Variants in GAREM2 observed in about 807,000 individuals in gnomAD.
The protein encoded by GAREM2 is GRB2 associated regulator of MAPK1 subtype 2, also known as GRB2-associated and regulator of MAPK protein 2.
In GAREM2, 30 loss-of-function variants were observed where a neutral mutation model predicts 55.6. The observed-to-expected ratio is 0.54, with a 90% CI of 0.40 to 0.73. GAREM2 has a LOEUF of 0.73. Ranked by LOEUF, GAREM2 falls within the 30% of genes least tolerant of loss-of-function variation. GAREM2 has a pLI of 0.00. For missense variants in GAREM2, 1,075 were observed against 1,257.7 expected (o/e 0.85, Z 2.20); for synonymous variants, 550 against 569.1 (o/e 0.97, Z 0.48).
chr2:26,197,728 A>G, the GAREM2 span: 1 of 1,562,444 alleles, frequency 6.4e-7, no homozygotes, highest in Non-Finnish European at 8.8e-7. Context: ...GATTTCACTG[A>G]TTGGGAGAGC....
chr2:26,173,414 GA>G, intron 1 of GAREM2, 82 bp downstream of exon 1: 6 of 769,014 alleles, frequency 7.8e-6, no homozygotes, highest in Non-Finnish European at 1.1e-5. Context: ...GGATCGTGAG[GA>G]GGGTGCGGCA....
intron 1 of GAREM2, among the ~76,000 whole-genome samples, chr2:26,173,648 TGCCCCTGG>T (rs949951251): frequency 1.7e-5 from 2 of 120,656 alleles, no homozygotes; most frequent in Admixed American, 1.6e-4. Context: ...TTTCCCCCGC[TGCCCCTGG>T]GCCCCCCGCC....
intron 2 of GAREM2, chr2:26,182,005 A>G (rs1669066239): frequency 1.0e-6 from 1 of 991,768 alleles, no homozygotes; most frequent in African/African-American, 1.7e-5. Context: ...CTAAAGAGTC[A>G]CCTTGTCTTC....
At chr2:26,186,080 G>A in intron 4 of GAREM2, 109 bp from the exon 5 acceptor site, 1 of 1,112,750 alleles carries the variant, frequency 9.0e-7, no homozygotes, top group Non-Finnish European at 1.2e-6. Context: ...TGGCAAAGTG[G>A]GGCAAATGTC....
the GAREM2 span, chr2:26,195,224 G>A: frequency 1.9e-6 from 3 of 1,612,876 alleles, no homozygotes; most frequent in Non-Finnish European, 2.5e-6. Flanking sequence ...AGTAGTGCAT[G>A]CCAATCACCT....
chr2:26,195,152 G>T, the GAREM2 span: 1 of 1,612,106 alleles, frequency 6.2e-7, no homozygotes, highest in Non-Finnish European at 8.5e-7. Flanking sequence ...AAGCACTGGT[G>T]TCTTTGGAAG....
intron 4 of GAREM2, among the ~76,000 whole-genome samples, chr2:26,185,540 T>C (rs1274870145): frequency 2.0e-5 from 3 of 152,200 alleles, no homozygotes; most frequent in Non-Finnish European, 4.4e-5. Flanking sequence ...GAAGCACTGT[T>C]ACCCAGAAGG....
In GAREM2 at chr2:26,188,440, C is replaced by T. The variant is rs187389451; in HGVS notation, c.*183C>T. 7.0e-4 allele frequency: 328 copies of T among 467,732 alleles called. 1 individual carries two copies. Among genetic ancestry groups the T allele is most frequent in the Non-Finnish European group, 5.5e-4 (149 of 270,164 alleles). 29.0% of individuals were successfully genotyped at this position (467,732 alleles called of 1,614,324 possible). A position where few individuals can be genotyped will look rare whatever the true frequency, so the allele number is the denominator to read the frequency against. ...GGTCCTCTGGGGTCAGACCCCTGCA[C>T]GGGACATCTTGCCTTTGAGTGTGCA... On this transcript the variant is annotated 3_prime_UTR_variant, in exon 6 of 6. Coordinates refer to ENST00000401533, the MANE Select transcript of GAREM2 (RefSeq NM_001168241.2).
Position 26,173,302 on chromosome 2 carries a change from CG to C in GAREM2, c.83del (p.Arg28ProfsTer34). The C allele has an allele frequency of 7.0e-7, 1 of 1,433,460 alleles. No individual in the cohort carries two copies. The highest frequency in any genetic ancestry group is 2.4e-5 in the Admixed American group (1 of 41,316). The allele number at this position is 1,433,460 out of a possible 1,614,324, so 88.8% of individuals were successfully genotyped here. A position where few individuals can be genotyped will look rare whatever the true frequency, so the allele number is the denominator to read the frequency against. On this transcript the variant is annotated frameshift_variant, in exon 1 of 6. Coordinates refer to ENST00000401533, the MANE Select transcript of GAREM2 (RefSeq NM_001168241.2). LOFTEE classifies it high-confidence loss of function. ...FPLDLIVSRC[R>X]LPTLACLGPG... ...GCTCGACCTCATCGTCAGCCGCTGC[CG>C]CCTGCCCACGCTCGCCTGCCTTGGG...
chr2:26,182,321 A>T, intron 2 of GAREM2: 1 of 1,471,364 alleles, frequency 6.8e-7, no homozygotes, highest in Non-Finnish European at 9.0e-7. Context: ...GGTTCAGGTC[A>T]GAGCCTCTGG....
the GAREM2 span, chr2:26,197,924 A>C: frequency 1.4e-6 from 1 of 707,886 alleles, no homozygotes; most frequent in South Asian, 1.5e-5. Context: ...CCAGACATTG[A>C]CGGATCACCT....
At chr2:26,199,140 C>T in the GAREM2 span, 3 of 152,142 alleles carry the variant, frequency 2.0e-5, no homozygotes, top group Non-Finnish European at 2.9e-5. Flanking sequence ...TCGTGATCCA[C>T]CCGCCTCAGC....
At chr2:26,186,096 C>A in intron 4 of GAREM2, 93 bp from the exon 5 acceptor site, 1 of 1,272,532 alleles carries the variant, frequency 7.9e-7, no homozygotes, top group Non-Finnish European at 1.1e-6. Context: ...ATGTCAGGCC[C>A]AGACAGCCCC....
intron 2 of GAREM2, among the ~76,000 whole-genome samples, chr2:26,177,729 G>A (rs1030622611): frequency 6.6e-6 from 1 of 151,934 alleles, no homozygotes; most frequent in Non-Finnish European, 1.5e-5. Flanking sequence ...GAGGTTCAAG[G>A]GATTCTCCTG....
Position 26,179,074 on chromosome 2 carries a change from A to G in GAREM2, c.253+2590A>G, listed in dbSNP as rs1668960301. Among the ~76,000 whole-genome samples the G allele has an allele frequency of 6.6e-6, 1 of 152,044 alleles. No individual in the cohort carries two copies. Among genetic ancestry groups the G allele is most frequent in the Non-Finnish European group, 1.5e-5 (1 of 67,984 alleles). On this transcript the variant is annotated intron_variant, in intron 2 of 5. Coordinates refer to ENST00000401533, the MANE Select transcript of GAREM2 (RefSeq NM_001168241.2). The surrounding 1 kb of genome is among the most constrained non-coding windows in gnomAD (Gnocchi z 4.7). ...CCGAGGGGAAGGCCGTGGAGGGAGGAGGACGGCGACTCGCGCCGGGTGGGG... is the reference window on the plus strand; with the variant it reads ...CCGAGGGGAAGGCCGTGGAGGGAGGGGGACGGCGACTCGCGCCGGGTGGGG...
chr2:26,202,609 C>T, the GAREM2 span, among the ~76,000 whole-genome samples: 5 of 152,138 alleles, frequency 3.3e-5, no homozygotes, highest in Admixed American at 1.3e-4. Context: ...TGCATGGTGG[C>T]GCATGCCTGT....
chr2:26,178,889 A>AGGC (rs59398334), intron 2 of GAREM2, among the ~76,000 whole-genome samples: 76 of 149,820 alleles, frequency 5.1e-4, no homozygotes, highest in Admixed American at 2.9e-3. Flanking sequence ...GGAGGGGAGG[A>AGGC]GGAGGCGGAG....
chr2:26,201,240 T>G, the GAREM2 span: 1 of 1,612,848 alleles, frequency 6.2e-7, no homozygotes, highest in Non-Finnish European at 8.5e-7. Flanking sequence ...ACCTTGGTAA[T>G]CAAGCTGCCC....
rs1669358140 is a variant in GAREM2 at position 26,188,208 on chromosome 2, A to G, written c.2576A>G (p.Gln859Arg). Residue 859 changes from glutamine to arginine, a missense_variant, in exon 6 of 6, where the codon CAG becomes CGG. Gln to Arg is a conservative substitution (Grantham distance 43). Coordinates refer to ENST00000401533, the MANE Select transcript of GAREM2 (RefSeq NM_001168241.2). ...LADDFHLTKL[Q>R]VKKIMQFIKG... ...GATGACTTCCACCTCACCAAGCTGC[A>G]GGTCAAGAAGATCATGCAGTTCATC... is the stretch of plus-strand genomic sequence containing the variant. The G allele has an allele frequency of 4.6e-6, 7 of 1,525,166 alleles. No individual in the cohort carries two copies. Among genetic ancestry groups the G allele is most frequent in the Non-Finnish European group, 5.3e-6 (6 of 1,130,868 alleles). 94.5% of individuals were successfully genotyped at this position (1,525,166 alleles called of 1,614,324 possible).
Sources: allele counts gnomAD v4.1 joint callset (sites outside exome capture counted in the v4.1 genomes callset), GRCh38; gene constraint gnomAD v4.1.1; non-coding constraint Gnocchi (gnomAD v3.1); transcripts MANE v1.5; gene names NCBI Gene and HGNC (gene_info 2026-07-23, HGNC 2026-07-21).